Variants in SVEP1 observed in about 807,000 individuals in gnomAD.
SVEP1 encodes the protein sushi, von Willebrand factor type A, EGF and pentraxin domain containing 1.
SVEP1 carries 164 observed loss-of-function variants against 367.3 expected under a neutral mutation model. The observed-to-expected ratio is 0.45, with a 90% CI of 0.39 to 0.51. The LOEUF is 0.51. SVEP1 is among the 20% of genes least tolerant of loss of function. The pLI, the probability that SVEP1 is intolerant of heterozygous loss-of-function variation, is 0.00. For synonymous variants in SVEP1, 1,666 were observed against 1,611.6 expected, an observed-to-expected ratio of 1.03 and a Z score of -0.81; for missense variants, 4,117 against 4,425.3, an observed-to-expected ratio of 0.93 and a Z score of 1.98.
chr9:110,513,206 C>T (rs994933332), intron 4 of SVEP1, 101 bp from the exon 5 acceptor site: 17 of 1,076,560 alleles, frequency 1.6e-5, no homozygotes, highest in Admixed American at 1.2e-4. Context: ...GCATATGTGT[C>T]AATTGCCTAC....
intron 40 of SVEP1, among the ~76,000 whole-genome samples, chr9:110,395,259 A>G (rs973589740): frequency 2.6e-5 from 4 of 152,210 alleles, no homozygotes; most frequent in Admixed American, 6.5e-5. Flanking sequence ...ACTATGCTTC[A>G]TAAGTGAAGG....
chr9:110,506,329 C>T (rs1422232826), intron 5 of SVEP1, among the ~76,000 whole-genome samples: 1 of 152,108 alleles, frequency 6.6e-6, no homozygotes, highest in Non-Finnish European at 1.5e-5. Flanking sequence ...GACTAAAACA[C>T]CAAAAGCAAT....
intron 5 of SVEP1, among the ~76,000 whole-genome samples, chr9:110,505,850 G>C (rs963804201): frequency 6.0e-5 from 9 of 150,512 alleles, no homozygotes; most frequent in Non-Finnish European, 1.2e-4. Context: ...TTAAGTTCTG[G>C]GGTACAGGTG....
At chr9:110,453,342 A>T (rs1361427620) in intron 22 of SVEP1, among the ~76,000 whole-genome samples, 4 of 152,098 alleles carry the variant, frequency 2.6e-5, no homozygotes, top group African/African-American at 9.7e-5. Context: ...TATCATCAAT[A>T]TTATAATAAT....
intron 3 of SVEP1, among the ~76,000 whole-genome samples, chr9:110,522,059 T>A (rs1450082669): frequency 6.6e-6 from 1 of 152,174 alleles, no homozygotes; most frequent in Non-Finnish European, 1.5e-5. Flanking sequence ...TACTTTATAT[T>A]CCCATTATCA....
chr9:110,543,508 A>G (rs1242693741), intron 3 of SVEP1, among the ~76,000 whole-genome samples: 1 of 152,154 alleles, frequency 6.6e-6, no homozygotes, highest in African/African-American at 2.4e-5. Flanking sequence ...TCATCCTGGA[A>G]TGTGTTATTG....
In SVEP1 at chr9:110,406,857, A is replaced by G; in HGVS notation, c.8743T>C (p.Phe2915Leu). 6.2e-7 allele frequency: 1 copy of G among 1,613,932 alleles called. No individual in the cohort carries two copies. The highest frequency in any genetic ancestry group is 2.2e-5 in the East Asian group (1 of 44,870). ...AAGATGTAGCCCTCGTGACAGTGGA[A>G]TGTTACTTCCTTCATGAAGCCATAG... is the stretch of plus-strand genomic sequence containing the variant. ...LDYGFMKEVT[F>L]HCHEGYILHG... is the part of the protein sequence containing the mutation. The change falls in exon 38 of 48, where the codon TTC (phenylalanine) becomes CTC (leucine). Residue 2915 changes from phenylalanine (F) to leucine (L), a missense_variant. Transcript: ENST00000374469.
intron 5 of SVEP1, among the ~76,000 whole-genome samples, chr9:110,508,686 A>C (rs2118766933): frequency 6.9e-6 from 1 of 145,756 alleles, no homozygotes; most frequent in Non-Finnish European, 1.5e-5. Context: ...GCGTGAACCC[A>C]GGAGACGGAG....
chr9:110,479,108 C>T (rs978321706), intron 13 of SVEP1, among the ~76,000 whole-genome samples: 4 of 151,974 alleles, frequency 2.6e-5, no homozygotes, highest in Admixed American at 2.6e-4. Context: ...TTACTAGAGA[C>T]GGGGTTTCAC....
rs768500490 is a variant in SVEP1, at chr9:110,404,336, T to C, written c.9657A>G (p.Ser3219=). Residue 3219 remains serine (S), a synonymous_variant, in exon 39 of 48, where the codon TCA becomes TCG. Coordinates refer to ENST00000374469, the MANE Select transcript of SVEP1 (RefSeq NM_153366.4). ...EGYTFEGVNI[S]VCQLDGTWEP... ...TAAGACAGAATCTTACCTGACATAC[T>C]GATATGTTAACTCCCTCAAAGGTAT... The C allele has an allele frequency of 8.1e-6, 13 of 1,613,902 alleles. No homozygotes were observed. The highest frequency in any genetic ancestry group is 1.1e-5 in the South Asian group (1 of 91,080).
At chr9:110,395,310 T>G (rs2118983578) in intron 40 of SVEP1, among the ~76,000 whole-genome samples, 1 of 151,206 alleles carries the variant, frequency 6.6e-6, no homozygotes, top group South Asian at 2.1e-4. Context: ...GCTGAGAGAT[T>G]TTGTCACCAC....
chr9:110,424,063 T>TA (rs1453297223), intron 36 of SVEP1, among the ~76,000 whole-genome samples: 1 of 152,214 alleles, frequency 6.6e-6, no homozygotes, highest in African/African-American at 2.4e-5. Context: ...TGTTAACTGG[T>TA]ATGGTCACTC....
chr9:110,411,094 TCAC>T lies in SVEP1; in HGVS notation c.6614_6616del (p.Gly2205del). 6.3e-7 allele frequency: 1 copy of T among 1,594,682 alleles called. No homozygotes were observed. Among genetic ancestry groups the T allele is most frequent in the Non-Finnish European group, 8.6e-7 (1 of 1,167,576 alleles). On this transcript the variant is annotated inframe_deletion, in exon 37 of 48. Transcript: ENST00000374469. ...AAAGCCATTCTCAACCTTAGGTGGT[TCAC>T]CACAAGATACCGGGTGGCACGTCGG...
rs1830662378 is a variant in SVEP1 at position 110,579,207 on chromosome 9, A to G, written c.337T>C (p.Phe113Leu). The G allele has an allele frequency of 3.2e-6, 5 of 1,571,472 alleles. No individual in the cohort carries two copies. The highest frequency in any genetic ancestry group is 1.4e-5 in the African/African-American group (1 of 73,806). Reference sequence around the variant, plus strand: ...CGCGTGGCCGTGGGCACCACGGGGAAGTCGGACAGCAGCTTGCGGACGAAC... The same window carrying G: ...CGCGTGGCCGTGGGCACCACGGGGAGGTCGGACAGCAGCTTGCGGACGAAC... ...LMFVRKLLSD[F>L]PVVPTATRVA... The change falls in exon 1 of 48, where the codon TTC becomes CTC. Residue 113 changes from phenylalanine to leucine, a missense_variant. Phe to Leu is a conservative substitution (Grantham distance 22). Around this residue, in one of 4 missense-constraint regions of SVEP1, gnomAD observed 2,174 missense variants for 2,494.3 expected, o/e 0.87. Transcript: ENST00000374469. The surrounding 1 kb of genome is among the most constrained non-coding windows in gnomAD (Gnocchi z 5.3).
At chr9:110,549,307 CTAA>C (rs1415724575) in intron 2 of SVEP1, among the ~76,000 whole-genome samples, 1 of 151,998 alleles carries the variant, frequency 6.6e-6, no homozygotes, top group Non-Finnish European at 1.5e-5. Context: ...ACAGAAAGCT[CTAA>C]TAATGATACA....
At chr9:110,555,759 G>A (rs1435089238) in intron 1 of SVEP1, among the ~76,000 whole-genome samples, 4 of 151,930 alleles carry the variant, frequency 2.6e-5, no homozygotes, top group African/African-American at 9.7e-5. Flanking sequence ...TCTGGGTTTG[G>A]AATGCACTTT....
chr9:110,413,230 T>C (rs1387764924), intron 36 of SVEP1, among the ~76,000 whole-genome samples: 2 of 145,154 alleles, frequency 1.4e-5, no homozygotes, highest in African/African-American at 5.1e-5. Flanking sequence ...GATGAGTTCA[T>C]GTCCTTTGTA....
intron 24 of SVEP1, among the ~76,000 whole-genome samples, chr9:110,447,333 A>G (rs1385366115): frequency 2.0e-5 from 3 of 152,242 alleles, no homozygotes; most frequent in South Asian, 2.1e-4. Context: ...TCCTCATAGG[A>G]GTTCTCAGAA....
At chr9:110,440,005 A>G (rs1828489704) in intron 27 of SVEP1, among the ~76,000 whole-genome samples, 1 of 152,232 alleles carries the variant, frequency 6.6e-6, no homozygotes, top group Admixed American at 6.5e-5. Flanking sequence ...ATAACATAAA[A>G]TGAAGTCAAT....
Sources: allele counts gnomAD v4.1 joint callset (sites outside exome capture counted in the v4.1 genomes callset), GRCh38; gene constraint gnomAD v4.1.1; regional missense constraint gnomAD v4.1.1; non-coding constraint Gnocchi (gnomAD v3.1); transcripts MANE v1.5; gene names NCBI Gene and HGNC (gene_info 2026-07-23, HGNC 2026-07-21).